Variants in MYO1D observed in about 807,000 individuals in gnomAD.
The protein encoded by MYO1D is myosin ID, also known as unconventional myosin-Id.
MYO1D carries 83 observed loss-of-function variants against 122.0 expected under a neutral mutation model. The observed-to-expected ratio is 0.68, with a 90% confidence interval of 0.57 to 0.82. MYO1D has a LOEUF of 0.82. Ranked by LOEUF, MYO1D falls within the 40% of genes least tolerant of loss-of-function variation. The probability of loss-of-function intolerance (pLI) is 0.00; values close to 1 mark genes in which losing one functional copy is unlikely to be tolerated. For synonymous variants in MYO1D, 464 were observed against 446.9 expected, an observed-to-expected ratio of 1.04 and a Z score of -0.48; for missense variants, 1,157 against 1,269.5, an observed-to-expected ratio of 0.91 and a Z score of 1.35.
At chr17:32,660,729 C>T (rs1487193226) in intron 16 of MYO1D, among the ~76,000 whole-genome samples, 1 of 152,228 alleles carries the variant, frequency 6.6e-6, no homozygotes, top group African/African-American at 2.4e-5. Context: ...AACTCGTCAT[C>T]TCATGTGGCG....
At chr17:32,643,225 T>G (rs138917639) in intron 19 of MYO1D, among the ~76,000 whole-genome samples, 3 of 152,356 alleles carry the variant, frequency 2.0e-5, no homozygotes, top group Non-Finnish European at 4.4e-5. Flanking sequence ...TGGATTACGT[T>G]TACTGATTTG....
chr17:32,546,269 AT>A (rs564982081), intron 21 of MYO1D, among the ~76,000 whole-genome samples: 12 of 152,310 alleles, frequency 7.9e-5, no homozygotes, highest in Non-Finnish European at 1.5e-4. Context: ...GAATTCAGTA[AT>A]GAACTCATTA....
chr17:32,592,038 T>C (rs2087443806), intron 21 of MYO1D, among the ~76,000 whole-genome samples: 1 of 152,250 alleles, frequency 6.6e-6, no homozygotes, highest in Non-Finnish European at 1.5e-5. Flanking sequence ...TGAACTTTTA[T>C]ATGGTTTCTA....
chr17:32,645,173 G>T lies in MYO1D; in HGVS notation c.2596-6338C>A, dbSNP rs1597966662. On this transcript the variant is annotated intron_variant, in intron 19 of 21. Transcript: ENST00000318217. ...ATTTTATTTCTCCTTCACTTATGAA[G>T]CTTAGTTTGGCTGGATATGAAATTG... is the stretch of plus-strand genomic sequence containing the variant. Among the ~76,000 whole-genome samples, 3 of 152,260 alleles carry T rather than the reference G, an allele frequency of 2.0e-5. No individual in the cohort carries two copies. The South Asian group carries it at 6.2e-4, about 32-fold the overall frequency.
chr17:32,816,073 A>C (rs187257239), intron 1 of MYO1D, among the ~76,000 whole-genome samples: 2 of 152,314 alleles, frequency 1.3e-5, no homozygotes, highest in East Asian at 3.9e-4. Context: ...CTAAACAAGG[A>C]ATCCATTCAT....
chr17:32,811,158 C>T (rs1280716571), intron 1 of MYO1D, among the ~76,000 whole-genome samples: 1 of 152,214 alleles, frequency 6.6e-6, no homozygotes, highest in East Asian at 1.9e-4. Context: ...CTCAAAAGGG[C>T]ATCTACATTT....
At chr17:32,758,121 T>C (rs973137442) in intron 10 of MYO1D, among the ~76,000 whole-genome samples, 3 of 151,974 alleles carry the variant, frequency 2.0e-5, no homozygotes, top group East Asian at 1.9e-4. Flanking sequence ...ACAACCAATA[T>C]ACAGGACATA....
At position 32,494,464 on chromosome 17, in the gene MYO1D, C is replaced by G. The variant is rs903021077; in HGVS notation, c.*295G>C. ...TTGACCTGGCCACGGGGCATCCGCA[C>G]CAACTAAAGGCACCATCCAGTTGCC... On this transcript the variant is annotated 3_prime_UTR_variant, in exon 22 of 22. Coordinates refer to ENST00000318217, the MANE Select transcript of MYO1D (RefSeq NM_015194.3). 1.5e-5 allele frequency: 6 copies of G among 389,864 alleles called. No homozygotes were observed. The highest frequency in any genetic ancestry group is 2.8e-5 in the Non-Finnish European group (6 of 213,812). 24.2% of individuals were successfully genotyped at this position (389,864 alleles called of 1,614,324 possible). A position where few individuals can be genotyped will look rare whatever the true frequency, so the allele number is the denominator to read the frequency against.
chr17:32,828,971 G>C (rs538704402), intron 1 of MYO1D, among the ~76,000 whole-genome samples: 1 of 152,288 alleles, frequency 6.6e-6, no homozygotes, highest in African/African-American at 2.4e-5. Flanking sequence ...CAGACCTTGG[G>C]TCTGACTCCA....
chr17:32,800,497 C>A (rs187846846), intron 1 of MYO1D, among the ~76,000 whole-genome samples: 2 of 151,950 alleles, frequency 1.3e-5, no homozygotes, highest in African/African-American at 4.8e-5. Context: ...CTAAAAAAGT[C>A]GAACTTAATA....
intron 1 of MYO1D, among the ~76,000 whole-genome samples, chr17:32,847,614 A>C (rs1760878491): frequency 6.6e-6 from 1 of 152,200 alleles, no homozygotes; most frequent in Admixed American, 6.6e-5. Context: ...TCTGGGGTTC[A>C]AGCAATTCTT....
At chr17:32,629,733 G>GAAA (rs35731553) in intron 20 of MYO1D, among the ~76,000 whole-genome samples, 4 of 127,614 alleles carry the variant, frequency 3.1e-5, no homozygotes, top group Admixed American at 8.0e-5. Context: ...TTCATCTCAA[G>GAAA]AAAAAAAAAA....
At chr17:32,757,265 ATC>A (rs767228783) in intron 10 of MYO1D, among the ~76,000 whole-genome samples, 3 of 151,892 alleles carry the variant, frequency 2.0e-5, no homozygotes, top group Non-Finnish European at 4.4e-5. Context: ...TACTTTTCTG[ATC>A]TGTCTAAACT....
rs1261282016 is a variant in MYO1D, at chr17:32,492,726, C to G, written c.*2033G>C. 1 of 152,620 alleles carries G rather than the reference C, an allele frequency of 6.6e-6. No individual in the cohort carries two copies. The highest frequency in any genetic ancestry group is 1.5e-5 in the Non-Finnish European group (1 of 68,046). The allele number at this position is 152,620 out of a possible 1,614,324, so 9.5% of individuals were successfully genotyped here. A position where few individuals can be genotyped will look rare whatever the true frequency, so the allele number is the denominator to read the frequency against. ...ACCATAAAATTGCATTTCATTACAT[C>G]AAGAGAACCCCCTCATTGTCTACAA... On this transcript the variant is annotated 3_prime_UTR_variant, in exon 22 of 22. Coordinates refer to ENST00000318217, the MANE Select transcript of MYO1D (RefSeq NM_015194.3).
At chr17:32,626,448 T>G (rs569012844) in intron 20 of MYO1D, among the ~76,000 whole-genome samples, 5 of 152,228 alleles carry the variant, frequency 3.3e-5, no homozygotes, top group Non-Finnish European at 7.3e-5. Context: ...AAAGGCATTG[T>G]GTTTCTTTAA....
At chr17:32,568,904 G>T (rs879613249) in intron 21 of MYO1D, among the ~76,000 whole-genome samples, 135 of 152,304 alleles carry the variant, frequency 8.9e-4, no homozygotes, top group South Asian at 1.7e-3. Flanking sequence ...CATCTTGACT[G>T]GACACAGTCA....
chr17:32,663,434 G>C (rs2150956248), intron 16 of MYO1D, among the ~76,000 whole-genome samples: 1 of 152,274 alleles, frequency 6.6e-6, no homozygotes, highest in East Asian at 1.9e-4. Context: ...TGCCTAAGAG[G>C]AGAGGAGAGC....
intron 21 of MYO1D, among the ~76,000 whole-genome samples, chr17:32,548,690 A>T (rs956742350): frequency 1.3e-5 from 2 of 150,708 alleles, no homozygotes; most frequent in Admixed American, 1.3e-4. Context: ...GTACCACTTT[A>T]AATTCTTTTT....
rs1046711551 is a variant in MYO1D at position 32,828,070 on chromosome 17, A to G, written c.96-47286T>C. 1.5e-4 allele frequency among the ~76,000 whole-genome samples: 23 copies of G among 152,358 alleles called. No homozygotes were observed. In the East Asian group the frequency reaches 4.4e-3, roughly 29 times the overall value. ...CATGGGAGAGGCTGAAAGCACAATGAAAAACACTTCAAGTTAAGGATGAGT... is the reference window on the plus strand; with the variant it reads ...CATGGGAGAGGCTGAAAGCACAATGGAAAACACTTCAAGTTAAGGATGAGT... On this transcript the variant is annotated intron_variant, in intron 1 of 21. Transcript: ENST00000318217.
Sources: gnomAD v4.1 joint callset for allele counts (sites outside exome capture counted in the v4.1 genomes callset) on GRCh38, gnomAD v4.1.1 for gene constraint, MANE v1.5 for transcripts, NCBI Gene and HGNC (gene_info 2026-07-23, HGNC 2026-07-21) for gene names.